Variants in GRID2 observed in about 807,000 individuals in gnomAD.
GRID2 encodes glutamate receptor ionotropic, delta-2.
In GRID2, 33 loss-of-function variants were observed where a neutral mutation model predicts 114.8. The ratio of observed to expected loss-of-function variants is 0.29; its 90% CI spans 0.22 to 0.38. GRID2 has a LOEUF of 0.38. Among genes scored for constraint, GRID2 ranks in the 10% least tolerant of loss-of-function variants. The pLI, the probability that GRID2 is intolerant of heterozygous loss-of-function variation, is 1.00. For synonymous variants in GRID2, 505 were observed against 449.9 expected (o/e 1.12, Z -1.55); for missense variants, 1,184 against 1,257.7 (o/e 0.94, Z 0.89).
At chr4:93,666,403 A>G (rs879863380) in intron 14 of GRID2, among the ~76,000 whole-genome samples, 1 of 152,050 alleles carries the variant, frequency 6.6e-6, no homozygotes, top group Non-Finnish European at 1.5e-5. Context: ...TACGGTAGTG[A>G]TATTTTTCAG....
chr4:93,743,557 T>C (rs1731589752), intron 14 of GRID2, among the ~76,000 whole-genome samples: 1 of 152,202 alleles, frequency 6.6e-6, no homozygotes, highest in Admixed American at 6.5e-5. Context: ...GGGTGCTTCC[T>C]CTCATGGTGG....
intron 2 of GRID2, among the ~76,000 whole-genome samples, chr4:92,810,333 T>G (rs111989444): frequency 3.3e-5 from 5 of 152,080 alleles, no homozygotes; most frequent in African/African-American, 9.6e-5. Context: ...TTTTCATTTT[T>G]GGGAATTATA....
At chr4:93,410,903 T>C (rs764637281) in intron 9 of GRID2, among the ~76,000 whole-genome samples, 1 of 152,176 alleles carries the variant, frequency 6.6e-6, no homozygotes, top group Non-Finnish European at 1.5e-5. Context: ...TTTTACCTCC[T>C]TCATTGGATT....
At chr4:93,435,654 A>G (rs1224445747) in intron 10 of GRID2, among the ~76,000 whole-genome samples, 2 of 152,208 alleles carry the variant, frequency 1.3e-5, no homozygotes, top group Non-Finnish European at 2.9e-5. Flanking sequence ...GATGAAATAG[A>G]TAGTTAATAT....
intron 8 of GRID2, among the ~76,000 whole-genome samples, chr4:93,247,724 T>C (rs1434756823): frequency 6.6e-6 from 1 of 151,810 alleles, no homozygotes; most frequent in Non-Finnish European, 1.5e-5. Flanking sequence ...ATATCAAATC[T>C]CTGTATATGG....
intron 2 of GRID2, among the ~76,000 whole-genome samples, chr4:92,895,050 C>G (rs1340108021): frequency 1.3e-5 from 2 of 151,848 alleles, no homozygotes; most frequent in Non-Finnish European, 2.9e-5. Flanking sequence ...TTAAGTTAAT[C>G]AATATATTAT....
At chr4:93,724,665 G>A (rs1399136277) in intron 14 of GRID2, among the ~76,000 whole-genome samples, 1 of 152,136 alleles carries the variant, frequency 6.6e-6, no homozygotes, top group Non-Finnish European at 1.5e-5. Flanking sequence ...GAGAAAATAA[G>A]AGACCGAGAG....
intron 14 of GRID2, among the ~76,000 whole-genome samples, chr4:93,677,327 T>C (rs973903009): frequency 1.3e-5 from 2 of 151,250 alleles, no homozygotes; most frequent in African/African-American, 2.4e-5. Flanking sequence ...TGCCTGCCTC[T>C]GTAGGCTCCA....
At chr4:92,416,902 A>G (rs1014403159) in intron 1 of GRID2, among the ~76,000 whole-genome samples, 2 of 151,978 alleles carry the variant, frequency 1.3e-5, no homozygotes, top group Admixed American at 1.3e-4. Flanking sequence ...TTTTGGCTGC[A>G]TATAAATTTT....
rs1745673140 is a variant in GRID2, at chr4:92,876,841, T to TA, written c.245-208152dup. Among the ~76,000 whole-genome samples, 3 of 152,338 alleles carry TA rather than the reference T, an allele frequency of 2.0e-5. 1 individual carries two copies. The highest frequency in any genetic ancestry group is 7.2e-5 in the African/African-American group (3 of 41,576). On this transcript the variant is annotated intron_variant, in intron 2 of 15. Coordinates refer to ENST00000282020, the MANE Select transcript of GRID2 (RefSeq NM_001510.4). The stretch of plus-strand genomic sequence containing the variant: ...AGCTAATTCCAATGTTGGTGGACTG[T>TA]AAGCCATGCTTTGAGAAAAATTTAA...
chr4:92,380,474 T>A (rs1054951414), intron 1 of GRID2, among the ~76,000 whole-genome samples: 1 of 151,954 alleles, frequency 6.6e-6, no homozygotes, highest in Admixed American at 6.6e-5. Flanking sequence ...AAAATTTCTT[T>A]CCTCCCCCAA....
chr4:92,475,133 AATAAT>A (rs1722238631), intron 1 of GRID2, among the ~76,000 whole-genome samples: 1 of 57,510 alleles, frequency 1.7e-5, no homozygotes, highest in Non-Finnish European at 3.8e-5. Context: ...AATAATAAAT[AATAAT>A]AATAATAATA....
chr4:93,739,719 C>T lies in GRID2; in HGVS notation c.2361-29491C>T, dbSNP rs1382175195. ...AACCAACTTCCTTCAGTACATTTAT[C>T]CTCCAGAGAAATTTGCCTAATAAAT... is the stretch of plus-strand genomic sequence containing the variant. On this transcript the variant is annotated intron_variant, in intron 14 of 15. Coordinates refer to ENST00000282020, the MANE Select transcript of GRID2 (RefSeq NM_001510.4). Among the ~76,000 whole-genome samples, 3 of 152,230 alleles carry T rather than the reference C, an allele frequency of 2.0e-5. No individual in the cohort carries two copies. The East Asian group carries it at 5.8e-4, about 29-fold the overall frequency.
chr4:92,830,034 A>C (rs1315924062), intron 2 of GRID2, among the ~76,000 whole-genome samples: 2 of 151,930 alleles, frequency 1.3e-5, no homozygotes, highest in African/African-American at 2.4e-5. Flanking sequence ...CTACCGTGAC[A>C]CATATATACC....
chr4:93,607,550 T>A (rs894604233), intron 13 of GRID2, among the ~76,000 whole-genome samples: 1 of 152,166 alleles, frequency 6.6e-6, no homozygotes, highest in Non-Finnish European at 1.5e-5. Flanking sequence ...TTGGATAGAT[T>A]CCTGGGAATG....
At chr4:92,938,996 G>A (rs989237611) in intron 2 of GRID2, among the ~76,000 whole-genome samples, 3 of 146,730 alleles carry the variant, frequency 2.0e-5, no homozygotes, top group Non-Finnish European at 4.5e-5. Context: ...CCAAGTCTTT[G>A]CTATTGTGAA....
intron 14 of GRID2, among the ~76,000 whole-genome samples, chr4:93,637,106 A>C (rs1721479678): frequency 6.6e-6 from 1 of 152,196 alleles, no homozygotes; most frequent in Non-Finnish European, 1.5e-5. Flanking sequence ...AAAAATTGTC[A>C]TTACTTCATA....
intron 1 of GRID2, among the ~76,000 whole-genome samples, chr4:92,369,870 A>G (rs1729037618): frequency 1.3e-5 from 2 of 152,328 alleles, no homozygotes; most frequent in Middle Eastern, 6.8e-3. Context: ...CAGAAATAGT[A>G]AATTGAAACA....
intron 1 of GRID2, among the ~76,000 whole-genome samples, chr4:92,541,941 A>T (rs1389932928): frequency 6.6e-6 from 1 of 152,132 alleles, no homozygotes; most frequent in Non-Finnish European, 1.5e-5. Context: ...ATTTTTCCTC[A>T]AAATTATGAT....
Sources: allele counts gnomAD v4.1 joint callset (sites outside exome capture counted in the v4.1 genomes callset), GRCh38; gene constraint gnomAD v4.1.1; transcripts MANE v1.5; gene names NCBI Gene and HGNC (gene_info 2026-07-23, HGNC 2026-07-21).